The following C5orf63 variants were observed in gnomAD, a reference collection of about 807,000 sequenced individuals.
C5orf63 encodes the protein chromosome 5 open reading frame 63, also known as glutaredoxin-like protein C5orf63.
C5orf63 carries 18 observed loss-of-function variants against 13.3 expected under a neutral mutation model. The observed-to-expected ratio is 1.36, with a 90% CI of 0.94 to 2.01. C5orf63 has a LOEUF of 2.01. Among genes scored for constraint, C5orf63 ranks in the 30% most tolerant of loss-of-function variants. The pLI is 0.00. For missense variants in C5orf63, 118 were observed against 127.7 expected, an observed-to-expected ratio of 0.92 and a Z score of 0.36; for synonymous variants, 38 against 44.7, an observed-to-expected ratio of 0.85 and a Z score of 0.60.
chr5:127,051,355 ATTTCAC>A lies in C5orf63; in HGVS notation c.*410_*415del. 1 of 1,231,824 alleles carries A rather than the reference ATTTCAC, an allele frequency of 8.1e-7. No homozygotes were observed. The highest frequency in any genetic ancestry group is 1.5e-5 in the African/African-American group (1 of 64,520). 76.3% of individuals were successfully genotyped at this position (1,231,824 alleles called of 1,614,324 possible). A position where few individuals can be genotyped will look rare whatever the true frequency, so the allele number is the denominator to read the frequency against. On this transcript the variant is annotated 3_prime_UTR_variant, in exon 5 of 5. Coordinates refer to ENST00000296662, the MANE Select transcript of C5orf63 (RefSeq NM_001164478.2). Reference sequence around the variant, plus strand: ...CCGTGCACAGTTATTAACAATTCACATTTCACTTTATCTACTGAGTGGAAGAGCATT... The same window carrying A: ...CCGTGCACAGTTATTAACAATTCACATTTATCTACTGAGTGGAAGAGCATT...
chr5:127,049,669 G>A (rs1199100251), downstream of C5orf63, among the ~76,000 whole-genome samples: 1 of 152,190 alleles, frequency 6.6e-6, no homozygotes, highest in African/African-American at 2.4e-5. Flanking sequence ...GTAAGGACTT[G>A]TATTCATTCT....
chr5:127,051,765 C>T lies in C5orf63; in HGVS notation c.*6G>A. ...AAGAGAGGGTGGAAAATCATGAGGG[C>T]ATCAGTCAGCCTCCAGTACTTTGCT... On this transcript the variant is annotated 3_prime_UTR_variant, in exon 5 of 5. Transcript: ENST00000296662. The T allele has an allele frequency of 6.7e-7, 1 of 1,493,938 alleles. No individual in the cohort carries two copies. The highest frequency in any genetic ancestry group is 8.9e-7 in the Non-Finnish European group (1 of 1,127,084). The allele number at this position is 1,493,938 out of a possible 1,614,324, so 92.5% of individuals were successfully genotyped here. A position where few individuals can be genotyped will look rare whatever the true frequency, so the allele number is the denominator to read the frequency against.
downstream of C5orf63, among the ~76,000 whole-genome samples, chr5:127,050,478 G>A (rs553995927): frequency 2.6e-5 from 4 of 151,922 alleles, no homozygotes; most frequent in African/African-American, 9.7e-5. Context: ...AGCTTAAAAG[G>A]CTTTTTAAGT....
chr5:127,067,716 ACAGGGAAAAATT>A (rs1754382062), intron 2 of C5orf63, among the ~76,000 whole-genome samples: 1 of 152,184 alleles, frequency 6.6e-6, no homozygotes, highest in Non-Finnish European at 1.5e-5. Context: ...TATTTCTCAA[ACAGGGAAAAATT>A]CAGTACCATT....
At chr5:127,056,153 C>T (rs1043002416) in intron 3 of C5orf63, among the ~76,000 whole-genome samples, 2 of 152,254 alleles carry the variant, frequency 1.3e-5, no homozygotes, top group Middle Eastern at 3.4e-3. Flanking sequence ...CCCAGAAAAA[C>T]AAAGGTGAGA....
Position 127,051,478 on chromosome 5 carries a change from T to C in C5orf63, c.*293A>G. The C allele has an allele frequency of 8.1e-7, 1 of 1,234,046 alleles. No individual in the cohort carries two copies. The highest frequency in any genetic ancestry group is 1.0e-6 in the Non-Finnish European group (1 of 989,326). The allele number at this position is 1,234,046 out of a possible 1,614,324, so 76.4% of individuals were successfully genotyped here. A position where few individuals can be genotyped will look rare whatever the true frequency, so the allele number is the denominator to read the frequency against. On this transcript the variant is annotated 3_prime_UTR_variant, in exon 5 of 5. Transcript: ENST00000296662. ...ATGGCATTGCCCAGTGACTGTGAAGTGCTTCTCTATTAATACAAAAAGGAT... is the reference window on the plus strand; with the variant it reads ...ATGGCATTGCCCAGTGACTGTGAAGCGCTTCTCTATTAATACAAAAAGGAT...
intron 2 of C5orf63, among the ~76,000 whole-genome samples, chr5:127,067,086 T>C (rs1754359981): frequency 6.6e-6 from 1 of 152,190 alleles, no homozygotes; most frequent in Non-Finnish European, 1.5e-5. Flanking sequence ...TAAAATGAAC[T>C]ACCTTAAGTG....
At chr5:127,047,216 G>A (rs1753538610), downstream of C5orf63, 1 of 153,666 alleles carries the variant, frequency 6.5e-6, no homozygotes, top group African/African-American at 2.4e-5. Flanking sequence ...GGGAAAAAAA[G>A]GAAGCTTGTA....
Position 127,051,687 on chromosome 5 carries a change from T to G in C5orf63, c.*84A>C. The G allele has an allele frequency of 7.1e-7, 1 of 1,404,320 alleles. No individual in the cohort carries two copies. Among genetic ancestry groups the G allele is most frequent in the South Asian group, 1.7e-5 (1 of 59,958 alleles). The allele number at this position is 1,404,320 out of a possible 1,614,324, so 87.0% of individuals were successfully genotyped here. A position where few individuals can be genotyped will look rare whatever the true frequency, so the allele number is the denominator to read the frequency against. ...GAACATCCTTAGGGCTCTGTACAAG[T>G]GACAAAATGAGTATCAGGCCATGGT... On this transcript the variant is annotated 3_prime_UTR_variant, in exon 5 of 5. Transcript: ENST00000296662.
chr5:127,047,935 T>C, downstream of C5orf63: 2 of 665,686 alleles, frequency 3.0e-6, no homozygotes, highest in Non-Finnish European at 5.4e-6. Flanking sequence ...AAAGAAAAAG[T>C]GGAGAGGGGT....
At chr5:127,069,040 C>T (rs1242420711) in intron 2 of C5orf63, among the ~76,000 whole-genome samples, 1 of 152,146 alleles carries the variant, frequency 6.6e-6, no homozygotes, top group Non-Finnish European at 1.5e-5. Flanking sequence ...GAGTGTGCAA[C>T]AATGCTCGGT....
chr5:127,069,793 T>G (rs180691579), intron 2 of C5orf63, among the ~76,000 whole-genome samples: 12 of 152,326 alleles, frequency 7.9e-5, no homozygotes, highest in African/African-American at 2.9e-4. Flanking sequence ...ATAGCTATCA[T>G]TGATAGAATT....
Position 127,051,849 on chromosome 5 carries a change from A to G in C5orf63, c.270T>C (p.Phe90=), listed in dbSNP as rs1308055220. 13 of 1,536,308 alleles carry G rather than the reference A, an allele frequency of 8.5e-6. No homozygotes were observed. The highest frequency in any genetic ancestry group is 1.1e-5 in the Non-Finnish European group (13 of 1,146,444). ...AGGTGTTTACTCGATGCATCATCAG[A>G]AACTGGCCATTCAAGTGAAAGACAG... ...DIPVFHLNGQ[F]LMMHRVNTSK... The change falls in exon 5 of 5, where the codon TTT becomes TTC. Residue 90 remains phenylalanine (F), a synonymous_variant. Transcript: ENST00000296662.
downstream of C5orf63, among the ~76,000 whole-genome samples, chr5:127,048,071 C>A (rs140794330): frequency 1.3e-5 from 2 of 151,928 alleles, no homozygotes; most frequent in Non-Finnish European, 2.9e-5. Context: ...CAATTACTGG[C>A]GATGTCTTGC....
intron 2 of C5orf63, among the ~76,000 whole-genome samples, chr5:127,066,588 A>AATAG (rs1754342522): frequency 6.6e-6 from 1 of 152,148 alleles, no homozygotes; most frequent in Non-Finnish European, 1.5e-5. Context: ...CTGAGGCAAG[A>AATAG]ACAGATTGAA....
chr5:127,049,353 C>T (rs766057301), downstream of C5orf63, among the ~76,000 whole-genome samples: 4 of 152,136 alleles, frequency 2.6e-5, no homozygotes, highest in African/African-American at 4.8e-5. Context: ...ATGCTGTGTC[C>T]TTCCACACCC....
At chr5:127,048,246 GACACACACACACACACACAC>G (rs71822352), downstream of C5orf63, among the ~76,000 whole-genome samples, 4 of 134,780 alleles carry the variant, frequency 3.0e-5, no homozygotes, top group South Asian at 2.5e-4. Context: ...GGTCCATGAG[GACACACACACACACACACAC>G]ACACACACAC....
chr5:127,048,629 T>C (rs1753581665), downstream of C5orf63, among the ~76,000 whole-genome samples: 1 of 152,154 alleles, frequency 6.6e-6, no homozygotes, highest in East Asian at 1.9e-4. Context: ...CTATTGTTTC[T>C]TAGTGCCTTA....
chr5:127,072,551 A>G (rs1171753026), intron 1 of C5orf63, among the ~76,000 whole-genome samples: 1 of 152,200 alleles, frequency 6.6e-6, no homozygotes. Context: ...AATGCGCTAG[A>G]AAGTATTGGG....
Sources: gnomAD v4.1 joint callset for allele counts (sites outside exome capture counted in the v4.1 genomes callset) on GRCh38, gnomAD v4.1.1 for gene constraint, MANE v1.5 for transcripts, NCBI Gene and HGNC (gene_info 2026-07-23, HGNC 2026-07-21) for gene names.